NDC1: variants seen among roughly 807,000 people sequenced by gnomAD.
NDC1 encodes the protein nucleoporin NDC1.
Under a neutral mutation model 89.8 loss-of-function variants are expected in NDC1, and 24 were observed. The ratio of observed to expected loss-of-function variants is 0.27; its 90% CI spans 0.19 to 0.38. NDC1 has a LOEUF of 0.38. Among genes scored for constraint, NDC1 ranks in the 10% least tolerant of loss-of-function variants. The pLI is 1.00. For synonymous variants in NDC1, 296 were observed against 284.8 expected (o/e 1.04, Z -0.39); for missense variants, 728 against 797.6 (o/e 0.91, Z 1.05).
At chr1:53,794,491 A>G (rs1647628607) in intron 13 of NDC1, among the ~76,000 whole-genome samples, 2 of 152,160 alleles carry the variant, frequency 1.3e-5, no homozygotes, top group Admixed American at 6.5e-5. Context: ...TGGGATCCCG[A>G]AGTTTATGAA....
intron 4 of NDC1, among the ~76,000 whole-genome samples, chr1:53,826,292 C>T (rs546985582): frequency 2.6e-5 from 4 of 152,288 alleles, no homozygotes; most frequent in Admixed American, 6.5e-5. Context: ...TTTGTGTTAT[C>T]TCTTTAAAAC....
intron 16 of NDC1, among the ~76,000 whole-genome samples, chr1:53,784,514 C>T (rs1647258679): frequency 6.6e-6 from 1 of 152,086 alleles, no homozygotes; most frequent in South Asian, 2.1e-4. Context: ...CAAATCAGGC[C>T]GGGCGCAGTG....
chr1:53,780,420 C>G (rs1436513768), intron 16 of NDC1, among the ~76,000 whole-genome samples: 1 of 152,200 alleles, frequency 6.6e-6, no homozygotes, highest in Non-Finnish European at 1.5e-5. Flanking sequence ...CTGACTACAA[C>G]TGTAGTTCTT....
intron 6 of NDC1, among the ~76,000 whole-genome samples, chr1:53,816,312 G>A (rs1306514955): frequency 6.6e-6 from 1 of 152,090 alleles, no homozygotes. Flanking sequence ...TCAGCCAACT[G>A]ATCTTCGACA....
chr1:53,825,460 A>AAAAAAAAAAAAAAAAGAAG (rs1039370528), intron 5 of NDC1, among the ~76,000 whole-genome samples: 1 of 142,116 alleles, frequency 7.0e-6, no homozygotes, highest in African/African-American at 2.6e-5. Context: ...CTCCAAAAAA[A>AAAAAAAAAAAAAAAAGAAG]AAGAAGCTAC....
intron 17 of NDC1, among the ~76,000 whole-genome samples, chr1:53,768,702 G>A (rs1453773559): frequency 1.3e-5 from 2 of 152,094 alleles, no homozygotes; most frequent in Non-Finnish European, 2.9e-5. Context: ...TTCTTGAATA[G>A]GTCACCGCTT....
At chr1:53,778,723 T>C (rs953160017) in intron 16 of NDC1, among the ~76,000 whole-genome samples, 1 of 152,220 alleles carries the variant, frequency 6.6e-6, no homozygotes, top group African/African-American at 2.4e-5. Context: ...GAAGATAATA[T>C]ATGAATAGTT....
At chr1:53,826,609 G>A (rs1192156099) in intron 4 of NDC1, among the ~76,000 whole-genome samples, 1 of 152,156 alleles carries the variant, frequency 6.6e-6, no homozygotes, top group Non-Finnish European at 1.5e-5. Context: ...TTTTACAATA[G>A]CTTTAATTAT....
At chr1:53,792,569 T>C (rs1647556170) in intron 14 of NDC1, among the ~76,000 whole-genome samples, 1 of 152,244 alleles carries the variant, frequency 6.6e-6, no homozygotes. Context: ...TGATATTAGA[T>C]AATACTGCAA....
chr1:53,810,597 TGTA>T (rs1170741690), intron 6 of NDC1, among the ~76,000 whole-genome samples: 3 of 152,170 alleles, frequency 2.0e-5, no homozygotes, highest in Admixed American at 1.3e-4. Flanking sequence ...GCTGACTGTA[TGTA>T]GTAGGTCAAT....
At chr1:53,833,136 A>C (rs1264501408) in intron 2 of NDC1, among the ~76,000 whole-genome samples, 1 of 152,210 alleles carries the variant, frequency 6.6e-6, no homozygotes, top group East Asian at 1.9e-4. Flanking sequence ...ACACTAGAAC[A>C]TGGCAAAACT....
chr1:53,772,625 T>C (rs945572228), intron 16 of NDC1, 136 bp from the exon 17 acceptor site: 2 of 629,650 alleles, frequency 3.2e-6, no homozygotes, highest in East Asian at 5.4e-5. Context: ...GGAGTTCCAC[T>C]GTACTCCAGA....
chr1:53,786,476 A>G (rs1366642540), intron 16 of NDC1, among the ~76,000 whole-genome samples: 3 of 152,198 alleles, frequency 2.0e-5, no homozygotes, highest in Non-Finnish European at 1.5e-5. Flanking sequence ...TTGAGCCTCA[A>G]CCCAATAGGG....
At chr1:53,815,169 T>C (rs1648436979) in intron 6 of NDC1, among the ~76,000 whole-genome samples, 1 of 152,234 alleles carries the variant, frequency 6.6e-6, no homozygotes, top group African/African-American at 2.4e-5. Flanking sequence ...CTACAGACTG[T>C]TATCCTTGAT....
At chr1:53,793,154 G>T (rs1348976436) in intron 14 of NDC1, 75 bp downstream of exon 14, 3 of 1,266,434 alleles carry the variant, frequency 2.4e-6, no homozygotes, top group African/African-American at 1.5e-5. Flanking sequence ...TTACAAGTCA[G>T]ATCCTATCTG....
At chr1:53,829,119 T>A (rs1648970213) in intron 3 of NDC1, among the ~76,000 whole-genome samples, 1 of 152,220 alleles carries the variant, frequency 6.6e-6, no homozygotes, top group Non-Finnish European at 1.5e-5. Context: ...ACATGAGGGA[T>A]GTTTACCTTT....
At chr1:53,807,110 G>A (rs1414248691) in intron 8 of NDC1, among the ~76,000 whole-genome samples, 1 of 151,850 alleles carries the variant, frequency 6.6e-6, no homozygotes, top group Admixed American at 6.6e-5. Context: ...AGCCGGGCAT[G>A]GTGGCACACG....
chr1:53,783,178 C>CAAAT (rs1444542431), intron 16 of NDC1, among the ~76,000 whole-genome samples: 3 of 151,640 alleles, frequency 2.0e-5, no homozygotes, highest in Admixed American at 6.6e-5. Flanking sequence ...AGAGGGTATA[C>CAAAT]AAATGGGTAG....
At chr1:53,832,468 A>G (rs1292353505) in intron 3 of NDC1, 22 bp downstream of exon 3, 2 of 1,165,294 alleles carry the variant, frequency 1.7e-6, no homozygotes, top group Non-Finnish European at 2.6e-6. Flanking sequence ...ATTTCTAAGA[A>G]GGTTAACATT....
Sources: gnomAD v4.1 joint callset for allele counts (sites outside exome capture counted in the v4.1 genomes callset) on GRCh38, gnomAD v4.1.1 for gene constraint, MANE v1.5 for transcripts, NCBI Gene and HGNC (gene_info 2026-07-23, HGNC 2026-07-21) for gene names.